NRG3: variants seen among roughly 807,000 people sequenced by gnomAD.
NRG3 encodes the protein neuregulin 3, also known as pro-neuregulin-3, membrane-bound isoform.
In NRG3, 31 loss-of-function variants were observed where a neutral mutation model predicts 66.9. That is an observed-to-expected ratio of 0.46 (90% CI 0.35 to 0.63). The LOEUF is 0.63. NRG3 is among the 20% of genes least tolerant of loss of function. The pLI is 0.00. For synonymous variants in NRG3, 393 were observed against 359.4 expected (o/e 1.09, Z -1.06); for missense variants, 910 against 878.9 (o/e 1.04, Z -0.45).
chr10:81,877,738 C>A, intron 1 of NRG3: 1 of 1,361,812 alleles, frequency 7.3e-7, no homozygotes, highest in Non-Finnish European at 9.4e-7. Context: ...GCAGTAGAGC[C>A]AGTAACTTGC....
chr10:82,624,720 A>T (rs926711781), intron 2 of NRG3, among the ~76,000 whole-genome samples: 3 of 147,652 alleles, frequency 2.0e-5, no homozygotes, highest in Non-Finnish European at 3.0e-5. Flanking sequence ...TATATATACT[A>T]TATACATATA....
chr10:81,922,838 A>G (rs954710040), intron 1 of NRG3, among the ~76,000 whole-genome samples: 5 of 152,186 alleles, frequency 3.3e-5, no homozygotes, highest in Non-Finnish European at 7.3e-5. Context: ...GATTTATAGA[A>G]TGTCTAGGAT....
intron 2 of NRG3, among the ~76,000 whole-genome samples, chr10:82,477,079 A>C (rs1405566321): frequency 1.3e-5 from 2 of 152,156 alleles, no homozygotes; most frequent in Admixed American, 1.3e-4. Context: ...CTAGTGCTGC[A>C]GAAGCTGATG....
chr10:82,451,148 A>G (rs2091002300), intron 2 of NRG3, among the ~76,000 whole-genome samples: 1 of 152,188 alleles, frequency 6.6e-6, no homozygotes, highest in Admixed American at 6.5e-5. Context: ...ACACACCTCA[A>G]GACAACTCTA....
chr10:82,800,856 T>C (rs1422961110), intron 3 of NRG3, among the ~76,000 whole-genome samples: 2 of 152,138 alleles, frequency 1.3e-5, no homozygotes, highest in Admixed American at 6.5e-5. Context: ...TTTGACTTGA[T>C]GTGGGTGGAC....
chr10:82,519,870 C>T (rs1846033895), intron 2 of NRG3, among the ~76,000 whole-genome samples: 1 of 151,992 alleles, frequency 6.6e-6, no homozygotes, highest in Non-Finnish European at 1.5e-5. Context: ...CAGTTGAAAA[C>T]ATGTAGTCAA....
intron 2 of NRG3, among the ~76,000 whole-genome samples, chr10:82,715,212 T>A (rs990007625): frequency 2.0e-5 from 3 of 152,134 alleles, no homozygotes; most frequent in Non-Finnish European, 2.9e-5. Flanking sequence ...CTGAGCAACA[T>A]GGCAAAACCC....
intron 2 of NRG3, among the ~76,000 whole-genome samples, chr10:82,723,936 C>T (rs937757920): frequency 3.3e-5 from 5 of 151,690 alleles, no homozygotes; most frequent in Non-Finnish European, 5.9e-5. Context: ...GCTGAGATCA[C>T]GCCACTGCAC....
chr10:82,900,091 T>C (rs1185571386), intron 4 of NRG3, among the ~76,000 whole-genome samples: 1 of 152,072 alleles, frequency 6.6e-6, no homozygotes, highest in East Asian at 1.9e-4. Flanking sequence ...TCTCATATGA[T>C]GGGAGCAGGA....
intron 1 of NRG3, among the ~76,000 whole-genome samples, chr10:82,030,039 G>C (rs573786712): frequency 6.6e-6 from 1 of 152,162 alleles, no homozygotes; most frequent in Admixed American, 6.6e-5. Context: ...ATCGTAAGGG[G>C]AACTCTGACA....
In NRG3 at chr10:82,328,931, C is replaced by T. The variant is rs960675244; in HGVS notation, c.824-29808C>T. The stretch of plus-strand genomic sequence containing the variant: ...AGCCATAGATTCTGTTGCTGGCACT[C>T]ATTTCTAGTGCTTTTTTTATTGCTG... On this transcript the variant is annotated intron_variant, in intron 1 of 8. Transcript: ENST00000372141. 5.3e-4 allele frequency among the ~76,000 whole-genome samples: 80 copies of T among 152,080 alleles called. 1 individual carries two copies. Among genetic ancestry groups the T allele is most frequent in the Non-Finnish European group, 8.7e-4 (59 of 68,014 alleles).
chr10:82,628,778 G>A (rs2049605658), intron 2 of NRG3, among the ~76,000 whole-genome samples: 1 of 152,106 alleles, frequency 6.6e-6, no homozygotes, highest in South Asian at 2.1e-4. Flanking sequence ...TGAAACTTTG[G>A]GGACTTTATT....
At chr10:82,816,099 G>T (rs2135538848) in intron 3 of NRG3, among the ~76,000 whole-genome samples, 1 of 152,364 alleles carries the variant, frequency 6.6e-6, no homozygotes, top group African/African-American at 2.4e-5. Context: ...CACAGCCCTG[G>T]CTTAGGGATC....
rs573615919 is a variant in NRG3, at chr10:82,424,643, CAA to C, written c.953+65777_953+65778del. ...TAAAGTGCAAAAGAGTTAATTTTGACAAAGTTAAATTTACACATTTCTTTTTT... is the reference window on the plus strand; with the variant it reads ...TAAAGTGCAAAAGAGTTAATTTTGACAGTTAAATTTACACATTTCTTTTTT... On this transcript the variant is annotated intron_variant, in intron 2 of 8. Transcript: ENST00000372141. 1.3e-4 allele frequency among the ~76,000 whole-genome samples: 20 copies of C among 152,062 alleles called. No individual in the cohort carries two copies. In the South Asian group the frequency reaches 3.9e-3, roughly 30 times the overall value.
chr10:82,416,804 G>A (rs2088615269), intron 2 of NRG3, among the ~76,000 whole-genome samples: 1 of 152,122 alleles, frequency 6.6e-6, no homozygotes, highest in African/African-American at 2.4e-5. Context: ...GAGAAAGTCA[G>A]GTCTAAATTC....
chr10:82,491,367 A>G lies in NRG3; in HGVS notation c.953+132499A>G, dbSNP rs1843133454. On this transcript the variant is annotated intron_variant, in intron 2 of 8. Coordinates refer to ENST00000372141, the MANE Select transcript of NRG3 (RefSeq NM_001010848.4). Reference sequence around the variant, plus strand: ...ACTCTAGATAATGTGTTTATTTAGCATGGATATTGCTTATTGTTGGTTTTC... The same window carrying G: ...ACTCTAGATAATGTGTTTATTTAGCGTGGATATTGCTTATTGTTGGTTTTC... Among the ~76,000 whole-genome samples the G allele has an allele frequency of 2.1e-5, 3 of 143,854 alleles. No homozygotes were observed. In the South Asian group the frequency reaches 6.9e-4, roughly 33 times the overall value. 94.4% of individuals were successfully genotyped at this position (143,854 alleles called of 152,430 possible).
At chr10:82,865,519 GT>G in intron 4 of NRG3, 82 bp downstream of exon 4, 1 of 1,381,560 alleles carries the variant, frequency 7.2e-7, no homozygotes, top group Non-Finnish European at 1.0e-6. Flanking sequence ...TCTCCATCTG[GT>G]TATAATTGAA....
At chr10:81,967,087 CTT>C (rs1426426738) in intron 1 of NRG3, among the ~76,000 whole-genome samples, 3 of 151,564 alleles carry the variant, frequency 2.0e-5, no homozygotes, top group African/African-American at 4.8e-5. Flanking sequence ...TTATTTATAA[CTT>C]TATGTTTTGA....
chr10:82,245,288 T>G (rs2077185762), intron 1 of NRG3, among the ~76,000 whole-genome samples: 1 of 152,152 alleles, frequency 6.6e-6, no homozygotes, highest in African/African-American at 2.4e-5. Flanking sequence ...AATCTCATGC[T>G]GTGGCTCATC....
Sources: gnomAD v4.1 joint callset for allele counts (sites outside exome capture counted in the v4.1 genomes callset) on GRCh38, gnomAD v4.1.1 for gene constraint, MANE v1.5 for transcripts, NCBI Gene and HGNC (gene_info 2026-07-23, HGNC 2026-07-21) for gene names.